Variants in LMNB1 observed in about 807,000 individuals in gnomAD.
LMNB1 encodes lamin B1, also known as lamin-B1.
A neutral mutation model predicts 67.1 loss-of-function variants in LMNB1; 23 were observed. That is an observed-to-expected ratio of 0.34 (90% confidence interval 0.25 to 0.49). The LOEUF is 0.49. Ranked by LOEUF, LMNB1 falls within the 20% of genes least tolerant of loss-of-function variation. LMNB1 has a pLI of 0.99. For missense variants in LMNB1, 634 were observed against 746.5 expected (o/e 0.85, Z 1.76); for synonymous variants, 281 against 282.9 (o/e 0.99, Z 0.07).
At chr5:126,827,069 T>C (rs1045866386) in intron 9 of LMNB1, among the ~76,000 whole-genome samples, 28 of 152,322 alleles carry the variant, frequency 1.8e-4, no homozygotes, top group Non-Finnish European at 3.4e-4. Context: ...CTCTGCTGTT[T>C]GTACCTTACA....
intron 3 of LMNB1, 86 bp from the exon 4 acceptor site, chr5:126,810,094 C>A: frequency 7.7e-7 from 1 of 1,299,658 alleles, no homozygotes; most frequent in Non-Finnish European, 1.1e-6. Flanking sequence ...GTGTGTAAAA[C>A]TTCAGATGGC....
chr5:126,790,878 C>T (rs975524645), intron 1 of LMNB1, among the ~76,000 whole-genome samples: 3 of 151,700 alleles, frequency 2.0e-5, no homozygotes, highest in Admixed American at 6.6e-5. Context: ...AAAAATTAGC[C>T]GGTGTGGTGG....
intron 5 of LMNB1, among the ~76,000 whole-genome samples, chr5:126,816,603 C>T (rs1751712450): frequency 6.6e-6 from 1 of 152,190 alleles, no homozygotes; most frequent in African/African-American, 2.4e-5. Flanking sequence ...TTGGATTTCA[C>T]CAGTTCTTCT....
intron 9 of LMNB1, among the ~76,000 whole-genome samples, chr5:126,828,044 T>TA (rs1200974908): frequency 8.6e-5 from 13 of 151,548 alleles, no homozygotes; most frequent in East Asian, 1.9e-4. Flanking sequence ...ATGCATTTTT[T>TA]AAAAAAAAAT....
intron 5 of LMNB1, among the ~76,000 whole-genome samples, chr5:126,812,651 G>A (rs1052407933): frequency 6.6e-6 from 1 of 150,488 alleles, no homozygotes; most frequent in East Asian, 1.9e-4. Context: ...AATAACTTCC[G>A]CTTCTATTTT....
intron 1 of LMNB1, among the ~76,000 whole-genome samples, chr5:126,778,615 G>A (rs1750544164): frequency 1.3e-5 from 2 of 152,176 alleles, no homozygotes; most frequent in South Asian, 4.1e-4. Flanking sequence ...GCGGTCCCTC[G>A]GGTGGTTCTG....
intron 9 of LMNB1, among the ~76,000 whole-genome samples, chr5:126,826,453 G>A (rs184929407): frequency 3.3e-4 from 50 of 152,252 alleles, no homozygotes; most frequent in African/African-American, 1.1e-3. Context: ...ATAAGAATGA[G>A]ACAGTACTTG....
chr5:126,792,345 GTT>G (rs1027336796), intron 1 of LMNB1, among the ~76,000 whole-genome samples: 2 of 151,514 alleles, frequency 1.3e-5, no homozygotes, highest in African/African-American at 4.9e-5. Flanking sequence ...ATTTTGCCAT[GTT>G]GACCAGGCTC....
chr5:126,820,773 G>A (rs2126728870), intron 6 of LMNB1, 137 bp from the exon 7 acceptor site: 2 of 642,798 alleles, frequency 3.1e-6, no homozygotes, highest in East Asian at 5.5e-5. Flanking sequence ...CAATCCACCT[G>A]CCTTGGCCTC....
intron 1 of LMNB1, among the ~76,000 whole-genome samples, chr5:126,787,546 A>ATATATATATTTT: frequency 1.2e-4 from 8 of 65,570 alleles, no homozygotes; most frequent in Admixed American, 2.2e-4. Flanking sequence ...ATATATATAT[A>ATATATATATTTT]TTTTTTTTTT....
chr5:126,792,499 A>C (rs1327781372), intron 1 of LMNB1, among the ~76,000 whole-genome samples: 1 of 151,648 alleles, frequency 6.6e-6, no homozygotes, highest in Non-Finnish European at 1.5e-5. Flanking sequence ...CCTCTTTGCT[A>C]AGTTAATTTC....
chr5:126,796,771 TTTTCTTTTTTC>T (rs1751103499), intron 1 of LMNB1, among the ~76,000 whole-genome samples: 1 of 145,380 alleles, frequency 6.9e-6, no homozygotes, highest in Non-Finnish European at 1.5e-5. Context: ...TTCTTTTTCT[TTTTCTTTTTTC>T]TTTCTTTTTT....
At chr5:126,799,005 T>C (rs1751189986) in intron 1 of LMNB1, among the ~76,000 whole-genome samples, 1 of 151,678 alleles carries the variant, frequency 6.6e-6, no homozygotes, top group South Asian at 2.1e-4. Flanking sequence ...TATTAGCCAC[T>C]TCATGATGCA....
At chr5:126,835,366 G>A (rs1432650730) in intron 10 of LMNB1, among the ~76,000 whole-genome samples, 1 of 152,196 alleles carries the variant, frequency 6.6e-6, no homozygotes, top group Non-Finnish European at 1.5e-5. Flanking sequence ...AATCAGTGGT[G>A]AGTCACAAGT....
rs986454477 is a variant in LMNB1 at position 126,826,237 on chromosome 5, G to T, written c.1611+130G>T. 4.1e-5 allele frequency: 43 copies of T among 1,038,480 alleles called. No homozygotes were observed. The African/African-American group carries it at 6.3e-4, about 15-fold the overall frequency. 64.3% of individuals were successfully genotyped at this position (1,038,480 alleles called of 1,614,324 possible). ...ACAGACCAAAGCTGCTAAGTTAATT[G>T]AACTGAAGCTGTCTTTAAGTTTTAG... On this transcript the variant is annotated intron_variant, in intron 9 of 10. Transcript: ENST00000261366.
intron 1 of LMNB1, among the ~76,000 whole-genome samples, chr5:126,783,884 T>C (rs1355366531): frequency 6.6e-6 from 1 of 152,062 alleles, no homozygotes; most frequent in Non-Finnish European, 1.5e-5. Context: ...GAGCCTCAGG[T>C]ATCAGTTGAG....
rs1337098283 is a variant in LMNB1, at chr5:126,836,515, C to T, written c.*251C>T. 2.8e-6 allele frequency: 1 copy of T among 362,562 alleles called. No individual in the cohort carries two copies. The highest frequency in any genetic ancestry group is 4.9e-6 in the Non-Finnish European group (1 of 204,760). The allele number at this position is 362,562 out of a possible 1,614,324, so 22.5% of individuals were successfully genotyped here. A position where few individuals can be genotyped will look rare whatever the true frequency, so the allele number is the denominator to read the frequency against. ...ACTGTGTACTGTTCGGAAGGGGTTC[C>T]TCAAATTTTTTGACTTTTTTTGTAT... On this transcript the variant is annotated 3_prime_UTR_variant, in exon 11 of 11. Transcript: ENST00000261366.
In LMNB1 at chr5:126,790,776, T is replaced by C. The variant is rs76875629; in HGVS notation, c.359+12909T>C. Among the ~76,000 whole-genome samples, 9 of 152,146 alleles carry C rather than the reference T, an allele frequency of 5.9e-5. No homozygotes were observed. In the East Asian group the frequency reaches 9.6e-4, roughly 16 times the overall value. On this transcript the variant is annotated intron_variant, in intron 1 of 10. Coordinates refer to ENST00000261366, the MANE Select transcript of LMNB1 (RefSeq NM_005573.4). ...TTGTAAATGCTATTTTCTTAGACTT[T>C]TGAAGGCATGTTTTGGCCGAGGTGG...
At chr5:126,825,815 G>T (rs1751980670) in intron 8 of LMNB1, among the ~76,000 whole-genome samples, 173 bp from the exon 9 acceptor site, 1 of 152,170 alleles carries the variant, frequency 6.6e-6, no homozygotes, top group South Asian at 2.1e-4. Context: ...GGAAGCTGAG[G>T]CCTTGAGAAG....
Sources: allele counts gnomAD v4.1 joint callset (sites outside exome capture counted in the v4.1 genomes callset), GRCh38; gene constraint gnomAD v4.1.1; transcripts MANE v1.5; gene names NCBI Gene and HGNC (gene_info 2026-07-23, HGNC 2026-07-21).